Variants in TMC2 observed in about 807,000 individuals in gnomAD.
The protein encoded by TMC2 is transmembrane channel-like protein 2.
TMC2 carries 102 observed loss-of-function variants against 105.9 expected under a neutral mutation model. The observed-to-expected ratio is 0.96, with a 90% CI of 0.82 to 1.14. TMC2 has a LOEUF of 1.14. Among genes scored for constraint, TMC2 ranks in the 50% most tolerant of loss-of-function variants. The pLI is 0.00. For missense variants in TMC2, 1,093 were observed against 1,134.3 expected (o/e 0.96, Z 0.52); for synonymous variants, 402 against 422.8 (o/e 0.95, Z 0.60).
At chr20:2,578,366 C>T (rs2086162470) in intron 5 of TMC2, among the ~76,000 whole-genome samples, 1 of 152,148 alleles carries the variant, frequency 6.6e-6, no homozygotes, top group Non-Finnish European at 1.5e-5. Context: ...AGGATCTGCT[C>T]TCTACTACCT....
intron 4 of TMC2, among the ~76,000 whole-genome samples, chr20:2,570,021 A>G (rs763167837): frequency 6.6e-6 from 1 of 152,228 alleles, no homozygotes; most frequent in South Asian, 2.1e-4. Flanking sequence ...CTCATAGTGA[A>G]ATTCATACTG....
chr20:2,625,001 A>G (rs1357165145), intron 17 of TMC2, among the ~76,000 whole-genome samples: 4 of 148,900 alleles, frequency 2.7e-5, no homozygotes, highest in African/African-American at 7.3e-5. Flanking sequence ...TGTCCCCCTC[A>G]ACAACCATTA....
chr20:2,580,467 G>GT (rs990885676), intron 7 of TMC2, among the ~76,000 whole-genome samples: 7 of 151,850 alleles, frequency 4.6e-5, no homozygotes, highest in African/African-American at 1.7e-4. Context: ...GTTTCAATGA[G>GT]TTTTTTTCTT....
At chr20:2,581,491 A>C (rs1400749604) in intron 7 of TMC2, among the ~76,000 whole-genome samples, 2 of 152,252 alleles carry the variant, frequency 1.3e-5, no homozygotes, top group Non-Finnish European at 2.9e-5. Flanking sequence ...AAACACTCTT[A>C]CACCAAGTCT....
chr20:2,617,302 G>A lies in TMC2; in HGVS notation c.2171G>A (p.Gly724Glu), dbSNP rs773205648. The change falls in exon 16 of 20, where the codon GGG becomes GAG. Residue 724 changes from glycine (G) to glutamate (E), a missense_variant. Physicochemically the swap from Gly to Glu is moderately conservative, Grantham distance 98. Coordinates refer to ENST00000358864, the MANE Select transcript of TMC2 (RefSeq NM_080751.3). ...IMSLPPSFDC[G>E]PFSGKNRMYD... ...TCCCTCCCACCCTCCTTTGACTGCG[G>A]GCCGTTCAGGTGCAGAGTCTCAGTT... The A allele has an allele frequency of 9.3e-6, 15 of 1,614,166 alleles. No individual in the cohort carries two copies. In the South Asian group the frequency reaches 1.5e-4, roughly 17 times the overall value.
chr20:2,545,011 T>C (rs1406755540), intron 2 of TMC2, among the ~76,000 whole-genome samples: 1 of 144,276 alleles, frequency 6.9e-6, no homozygotes, highest in Non-Finnish European at 1.5e-5. Context: ...GCCTGGGCAA[T>C]ATAATGAGAC....
At chr20:2,598,516 G>A (rs2086326117) in intron 10 of TMC2, among the ~76,000 whole-genome samples, 2 of 152,060 alleles carry the variant, frequency 1.3e-5, no homozygotes, top group Non-Finnish European at 2.9e-5. Flanking sequence ...CTGGGTTCAA[G>A]TGATTCTCCT....
chr20:2,580,661 C>T (rs1274032652), intron 7 of TMC2, among the ~76,000 whole-genome samples: 3 of 152,124 alleles, frequency 2.0e-5, no homozygotes, highest in Admixed American at 1.3e-4. Flanking sequence ...TGGTTCAGTG[C>T]AGCCTTGAAC....
intron 9 of TMC2, among the ~76,000 whole-genome samples, chr20:2,596,000 C>A (rs946075890): frequency 6.6e-6 from 1 of 152,190 alleles, no homozygotes; most frequent in Non-Finnish European, 1.5e-5. Flanking sequence ...TTATTCTTAG[C>A]CCTCATGTTG....
chr20:2,642,756 T>C lies in TMC2; in HGVS notation c.*1405T>C, dbSNP rs149878226. ...CACAGCTCCTTCCTTTCCTCCACTC[T>C]GTGCTCCCAGACCCAGGTAAGCAGT... is the stretch of plus-strand genomic sequence containing the variant. On this transcript the variant is annotated 3_prime_UTR_variant, in exon 20 of 20. Coordinates refer to ENST00000358864, the MANE Select transcript of TMC2 (RefSeq NM_080751.3). 2.6e-5 allele frequency among the ~76,000 whole-genome samples: 4 copies of C among 152,238 alleles called. No homozygotes were observed. In the East Asian group the frequency reaches 7.7e-4, roughly 29 times the overall value.
At chr20:2,541,992 A>T (rs544097203) in intron 2 of TMC2, among the ~76,000 whole-genome samples, 1 of 152,062 alleles carries the variant, frequency 6.6e-6, no homozygotes, top group Non-Finnish European at 1.5e-5. Context: ...TTGATATGTG[A>T]GTTCTTTCCA....
intron 11 of TMC2, among the ~76,000 whole-genome samples, chr20:2,602,685 T>G (rs574018919): frequency 3.3e-5 from 5 of 152,366 alleles, no homozygotes; most frequent in African/African-American, 7.2e-5. Flanking sequence ...AATAACAAAC[T>G]GATATACTAT....
intron 2 of TMC2, among the ~76,000 whole-genome samples, chr20:2,544,068 A>ATTTTTTTT (rs3051737): frequency 7.5e-6 from 1 of 132,480 alleles, no homozygotes; most frequent in Non-Finnish European, 1.6e-5. Context: ...TGCCTAGCTG[A>ATTTTTTTT]TTTTTTTTTT....
chr20:2,588,597 C>A (rs2086246578), intron 7 of TMC2, among the ~76,000 whole-genome samples: 1 of 152,188 alleles, frequency 6.6e-6, no homozygotes, highest in East Asian at 1.9e-4. Flanking sequence ...TGGGAAAATT[C>A]TCTGCCATAA....
intron 7 of TMC2, among the ~76,000 whole-genome samples, chr20:2,588,728 C>G (rs1305251870): frequency 1.3e-5 from 1 of 78,350 alleles, no homozygotes; most frequent in African/African-American, 6.3e-5. Flanking sequence ...TGTGTCTTGT[C>G]TCAGTGAGCC....
At chr20:2,580,884 G>GTGA (rs1158406592) in intron 7 of TMC2, among the ~76,000 whole-genome samples, 1 of 152,218 alleles carries the variant, frequency 6.6e-6, no homozygotes, top group African/African-American at 2.4e-5. Flanking sequence ...GGTCCCCAGA[G>GTGA]TGATGGCTTA....
In TMC2 at chr20:2,558,394, G is replaced by C. The variant is rs2085997866; in HGVS notation, c.83-62G>C. On this transcript the variant is annotated intron_variant, in intron 2 of 19. Transcript: ENST00000358864. The surrounding 1 kb of genome is among the most constrained non-coding windows in gnomAD (Gnocchi z 4.6). The stretch of plus-strand genomic sequence containing the variant: ...TTGGACGTCTGATTTCTCACGGCCG[G>C]GGACATTTTCCTGGGCCTGAGGCCG... 1.9e-6 allele frequency: 3 copies of C among 1,544,074 alleles called. No individual in the cohort carries two copies. The East Asian group carries it at 7.3e-5, about 38-fold the overall frequency.
intron 16 of TMC2, among the ~76,000 whole-genome samples, chr20:2,621,936 C>T (rs2086528023): frequency 6.6e-6 from 1 of 152,180 alleles, no homozygotes; most frequent in African/African-American, 2.4e-5. Context: ...CCATCTAATT[C>T]AACGACAAAA....
intron 4 of TMC2, among the ~76,000 whole-genome samples, chr20:2,563,270 G>A (rs773401683): frequency 4.6e-5 from 7 of 152,168 alleles, no homozygotes; most frequent in African/African-American, 9.7e-5. Context: ...GGCCGACCCC[G>A]ACAAGGAAAA....
Sources: allele counts gnomAD v4.1 joint callset (sites outside exome capture counted in the v4.1 genomes callset), GRCh38; gene constraint gnomAD v4.1.1; non-coding constraint Gnocchi (gnomAD v3.1); transcripts MANE v1.5; gene names NCBI Gene and HGNC (gene_info 2026-07-23, HGNC 2026-07-21).